Variants in IFNAR1 observed in about 807,000 individuals in gnomAD.
IFNAR1 encodes the protein interferon alpha and beta receptor subunit 1.
Under a neutral mutation model 62.1 loss-of-function variants are expected in IFNAR1, and 47 were observed. The observed-to-expected ratio is 0.76, with a 90% CI of 0.60 to 0.97. IFNAR1 has a LOEUF of 0.97. Ranked by LOEUF, IFNAR1 falls within the 50% of genes least tolerant of loss-of-function variation. IFNAR1 has a pLI of 0.00. For missense variants in IFNAR1, 638 were observed against 654.5 expected (o/e 0.97, Z 0.27); for synonymous variants, 219 against 226.9 (o/e 0.97, Z 0.31).
chr21:33,359,318 T>C lies in IFNAR1; in HGVS notation c.*3769T>C, dbSNP rs1389870847. The C allele has an allele frequency of 6.6e-6, 1 of 152,198 alleles. No homozygotes were observed. The highest frequency in any genetic ancestry group is 6.5e-5 in the Admixed American group (1 of 15,274). 9.4% of individuals were successfully genotyped at this position (152,198 alleles called of 1,614,324 possible). ...ATGGGCCCAAAAGTCTAGGAGTTTT[T>C]TTGTACTTAGTGAATTTGTATGCAA... On this transcript the variant is annotated 3_prime_UTR_variant, in exon 11 of 11. Transcript: ENST00000270139.
At chr21:33,335,087 G>A in intron 1 of IFNAR1, 2 of 830,328 alleles carry the variant, frequency 2.4e-6, no homozygotes, top group African/African-American at 1.7e-5. Context: ...ATTGCCCCTA[G>A]GACTCAACCT....
rs2083380537 is a variant in IFNAR1 at position 33,349,473 on chromosome 21, A to C, written c.1073A>C (p.Asn358Thr). 2 of 1,611,116 alleles carry C rather than the reference A, an allele frequency of 1.2e-6. No individual in the cohort carries two copies. The highest frequency in any genetic ancestry group is 2.2e-5 in the South Asian group (2 of 90,976). ...IYIGAPKQSG[N>T]TPVIQDYPLI... ...ATCGGTGCTCCAAAACAGTCTGGAA[A>C]CACGCCTGTGATCCAGGATTATCCA... is the stretch of plus-strand genomic sequence containing the variant. The change falls in exon 8 of 11, where the codon AAC (asparagine) becomes ACC (threonine). Residue 358 changes from asparagine (N) to threonine (T), a missense_variant. Asn to Thr is a moderately conservative substitution (Grantham distance 65). Coordinates refer to ENST00000270139, the MANE Select transcript of IFNAR1 (RefSeq NM_000629.3).
At chr21:33,350,192 T>C (rs1388481561) in intron 8 of IFNAR1, among the ~76,000 whole-genome samples, 1 of 150,398 alleles carries the variant, frequency 6.6e-6, no homozygotes, top group Non-Finnish European at 1.5e-5. Flanking sequence ...GGGAGGGGGC[T>C]GTCCAGTGCA....
intron 1 of IFNAR1, among the ~76,000 whole-genome samples, chr21:33,327,589 T>G (rs544766717): frequency 1.6e-4 from 25 of 152,338 alleles, no homozygotes; most frequent in African/African-American, 5.1e-4. Flanking sequence ...GGCCAAACAA[T>G]TTAAATTCCT....
At chr21:33,346,714 G>A (rs191275052) in intron 6 of IFNAR1, among the ~76,000 whole-genome samples, 3 of 152,328 alleles carry the variant, frequency 2.0e-5, no homozygotes, top group Admixed American at 6.5e-5. Flanking sequence ...TGTGGTTTAG[G>A]ACTAAAGAGT....
chr21:33,355,508 G>T lies in IFNAR1; in HGVS notation c.1633G>T (p.Glu545Ter). The T allele has an allele frequency of 6.2e-7, 1 of 1,601,938 alleles. No homozygotes were observed. The highest frequency in any genetic ancestry group is 8.5e-7 in the Non-Finnish European group (1 of 1,176,020). ...AAATTATTCTAATGAAGATGAAAGC[G>T]AAAGTAAAACAAGTGAAGAACTACA... ...SGNYSNEDES[E>*]SKTSEELQQD... The change falls in exon 11 of 11, where the codon GAA becomes TAA. Residue 545 changes from glutamate (E) to a stop codon, truncating the protein, a stop_gained. Transcript: ENST00000270139. LOFTEE classifies it high-confidence loss of function.
chr21:33,326,397 G>T (rs1049050149), intron 1 of IFNAR1, among the ~76,000 whole-genome samples: 3 of 152,046 alleles, frequency 2.0e-5, no homozygotes, highest in African/African-American at 7.2e-5. Context: ...TAGAGATGGG[G>T]TTTTGCCATG....
chr21:33,351,528 TA>T (rs1439194988), intron 8 of IFNAR1, among the ~76,000 whole-genome samples: 1 of 151,486 alleles, frequency 6.6e-6, no homozygotes, highest in Non-Finnish European at 1.5e-5. Flanking sequence ...TTGTTATCTA[TA>T]TTTTTTTATT....
In IFNAR1 at chr21:33,333,614, A is replaced by ATTTTTTTTTTTTTTTTTTTTTTTTT. The variant is rs59240203; in HGVS notation, c.77-1899_77-1898insTTTTTTTTTTTTTTTTTTTTTTTTT. 5.8e-4 allele frequency among the ~76,000 whole-genome samples: 62 copies of ATTTTTTTTTTTTTTTTTTTTTTTTT among 106,986 alleles called. 9 individuals carry two copies. The highest frequency in any genetic ancestry group is 2.0e-3 in the African/African-American group (50 of 24,426). The allele number at this position is 106,986 out of a possible 152,430, so 70.2% of individuals were successfully genotyped here. A position where few individuals can be genotyped will look rare whatever the true frequency, so the allele number is the denominator to read the frequency against. Reference sequence around the variant, plus strand: ...CCATACTTAAAGAGACTGGCGGAATATTTTTTTTTTTCTTTTTTTTTTTTT... The same window carrying ATTTTTTTTTTTTTTTTTTTTTTTTT: ...CCATACTTAAAGAGACTGGCGGAATATTTTTTTTTTTTTTTTTTTTTTTTTTTTTTTTTTTTCTTTTTTTTTTTTT... On this transcript the variant is annotated intron_variant, in intron 1 of 10. Coordinates refer to ENST00000270139, the MANE Select transcript of IFNAR1 (RefSeq NM_000629.3).
chr21:33,334,241 C>T (rs1364571583), intron 1 of IFNAR1, among the ~76,000 whole-genome samples: 2 of 152,116 alleles, frequency 1.3e-5, no homozygotes, highest in African/African-American at 2.4e-5. Flanking sequence ...TTGGGGACTT[C>T]AGCACCCCAC....
chr21:33,356,142 TC>T lies in IFNAR1; in HGVS notation c.*595del, dbSNP rs548341877. On this transcript the variant is annotated 3_prime_UTR_variant, in exon 11 of 11. Coordinates refer to ENST00000270139, the MANE Select transcript of IFNAR1 (RefSeq NM_000629.3). ...AGACCAAAACAGTGGCCACCCGTCT[TC>T]CTCCTGTGAGCCTAAGTGCAGCCGT... The T allele has an allele frequency of 1.6e-4, 25 of 152,320 alleles. No homozygotes were observed. Among genetic ancestry groups the T allele is most frequent in the African/African-American group, 5.1e-4 (21 of 41,570 alleles). The allele number at this position is 152,320 out of a possible 1,614,324, so 9.4% of individuals were successfully genotyped here. A position where few individuals can be genotyped will look rare whatever the true frequency, so the allele number is the denominator to read the frequency against.
chr21:33,351,251 CA>C (rs2083394344), intron 8 of IFNAR1, among the ~76,000 whole-genome samples: 1 of 152,170 alleles, frequency 6.6e-6, no homozygotes, highest in Non-Finnish European at 1.5e-5. Context: ...CCTGCACCAC[CA>C]GACCGTAGAT....
intron 3 of IFNAR1, 115 bp from the exon 4 acceptor site, chr21:33,343,153 C>A: frequency 1.3e-6 from 1 of 780,014 alleles, no homozygotes; most frequent in Non-Finnish European, 2.1e-6. Context: ...TATCTGTATG[C>A]TCTTAACTCC....
At position 33,345,440 on chromosome 21, in the gene IFNAR1, C is replaced by T; in HGVS notation, c.788+80C>T. On this transcript the variant is annotated intron_variant, in intron 6 of 10. Coordinates refer to ENST00000270139, the MANE Select transcript of IFNAR1 (RefSeq NM_000629.3). ...TTTCGCTCTGCATCAGTCACCAGGT[C>T]CTTGCACACAGAATGACCGACTGGG... is the stretch of plus-strand genomic sequence containing the variant. The T allele has an allele frequency of 6.4e-6, 5 of 784,728 alleles. No homozygotes were observed. The East Asian group carries it at 1.0e-4, about 16-fold the overall frequency. 48.6% of individuals were successfully genotyped at this position (784,728 alleles called of 1,614,324 possible).
Position 33,343,529 on chromosome 21 carries a change from T to G in IFNAR1, c.532-6T>G, listed in dbSNP as rs1353287856. On this transcript the variant is annotated splice_region_variant and splice_polypyrimidine_tract_variant and intron_variant, in intron 4 of 10. Transcript: ENST00000270139. Reference sequence around the variant, plus strand: ...TTTAAAGAACCAACTTATATTTGTGTTATAGGAAAGGATTGAAAATATTTA... The same window carrying G: ...TTTAAAGAACCAACTTATATTTGTGGTATAGGAAAGGATTGAAAATATTTA... 1 of 1,528,826 alleles carries G rather than the reference T, an allele frequency of 6.5e-7. No individual in the cohort carries two copies. Among genetic ancestry groups the G allele is most frequent in the Admixed American group, 1.8e-5 (1 of 56,156 alleles). 94.7% of individuals were successfully genotyped at this position (1,528,826 alleles called of 1,614,324 possible).
intron 1 of IFNAR1, chr21:33,334,603 G>C: frequency 1.6e-6 from 1 of 611,672 alleles, no homozygotes; most frequent in Non-Finnish European, 3.1e-6. Flanking sequence ...GAAATGAAAG[G>C]GCACTAGACA....
In IFNAR1 at chr21:33,349,504, T is replaced by A; in HGVS notation, c.1104T>A (p.Ile368=). ...CTGTGATCCAGGATTATCCACTGAT[T>A]TATGAAATTATTTTTTGGGAAAACA... The part of the protein sequence containing the change: ...NTPVIQDYPL[I]YEIIFWENTS... The change falls in exon 8 of 11, where the codon ATT becomes ATA. Residue 368 remains isoleucine, a synonymous_variant. Coordinates refer to ENST00000270139, the MANE Select transcript of IFNAR1 (RefSeq NM_000629.3). The A allele has an allele frequency of 1.2e-6, 2 of 1,611,810 alleles. No homozygotes were observed. The highest frequency in any genetic ancestry group is 4.5e-5 in the East Asian group (2 of 44,856).
chr21:33,342,101 C>T lies in IFNAR1; in HGVS notation c.376+927C>T, dbSNP rs541911008. Among the ~76,000 whole-genome samples, 7 of 152,206 alleles carry T rather than the reference C, an allele frequency of 4.6e-5. No homozygotes were observed. In the South Asian group the frequency reaches 1.2e-3, roughly 27 times the overall value. ...ATAAATAATGGCTGTTTGGGATTCT[C>T]GATAATTCCTTTAAGAATGTAAAGG... On this transcript the variant is annotated intron_variant, in intron 3 of 10. Coordinates refer to ENST00000270139, the MANE Select transcript of IFNAR1 (RefSeq NM_000629.3).
chr21:33,342,641 G>A (rs936423304), intron 3 of IFNAR1, among the ~76,000 whole-genome samples: 8 of 146,694 alleles, frequency 5.5e-5, no homozygotes, highest in East Asian at 4.0e-4. Context: ...TCAGGAGATC[G>A]AGACCATCCT....
Sources: allele counts gnomAD v4.1 joint callset (sites outside exome capture counted in the v4.1 genomes callset), GRCh38; gene constraint gnomAD v4.1.1; transcripts MANE v1.5; gene names NCBI Gene and HGNC (gene_info 2026-07-23, HGNC 2026-07-21).